Variants in CUBN observed in about 807,000 individuals in gnomAD.
CUBN encodes 460 kDa receptor.
A neutral mutation model predicts 405.3 loss-of-function variants in CUBN; 282 were observed. The observed-to-expected ratio is 0.70, with a 90% CI of 0.63 to 0.77. The LOEUF (loss-of-function observed/expected upper bound fraction) is 0.77. Among genes scored for constraint, CUBN ranks in the 30% least tolerant of loss-of-function variants. The probability of loss-of-function intolerance (pLI) is 0.00; values close to 1 mark genes in which losing one functional copy is unlikely to be tolerated. For missense variants in CUBN, 4,514 were observed against 4,475.2 expected, an observed-to-expected ratio of 1.01 and a Z score of -0.25; for synonymous variants, 1,684 against 1,617.0, an observed-to-expected ratio of 1.04 and a Z score of -0.99.
chr10:17,082,658 AT>A (rs1455273878), intron 17 of CUBN, among the ~76,000 whole-genome samples: 2 of 152,210 alleles, frequency 1.3e-5, no homozygotes, highest in Admixed American at 1.3e-4. Flanking sequence ...AGAGCCAGGT[AT>A]GGAATTGGGT....
chr10:16,840,200 G>A (rs1229117251), intron 62 of CUBN, 130 bp downstream of exon 62: 1 of 767,296 alleles, frequency 1.3e-6, no homozygotes, highest in East Asian at 2.7e-5. Context: ...TTGTGCGCAT[G>A]TACCCTAAAA....
intron 34 of CUBN, 133 bp downstream of exon 34, chr10:16,949,868 T>A: frequency 1.4e-6 from 1 of 722,088 alleles, no homozygotes; most frequent in South Asian, 1.5e-5. Context: ...CCTCTAATCA[T>A]CTTTATTTGG....
chr10:16,977,759 G>A (rs1833142214), intron 31 of CUBN, among the ~76,000 whole-genome samples: 1 of 152,190 alleles, frequency 6.6e-6, no homozygotes, highest in Non-Finnish European at 1.5e-5. Context: ...ACCCCTAGAT[G>A]CTACCATGGG....
intron 28 of CUBN, among the ~76,000 whole-genome samples, chr10:17,013,249 C>T (rs1834232009): frequency 6.6e-6 from 1 of 151,832 alleles, no homozygotes; most frequent in Non-Finnish European, 1.5e-5. Flanking sequence ...CTCTCTCTGA[C>T]TTTCTCTCTG....
At chr10:16,972,736 T>C (rs1213387141) in intron 31 of CUBN, among the ~76,000 whole-genome samples, 1 of 152,046 alleles carries the variant, frequency 6.6e-6, no homozygotes, top group Non-Finnish European at 1.5e-5. Flanking sequence ...ATTCATTCAT[T>C]CTTCAAGCAA....
intron 58 of CUBN, among the ~76,000 whole-genome samples, chr10:16,870,880 A>G (rs1444689916): frequency 6.6e-6 from 1 of 152,218 alleles, no homozygotes; most frequent in African/African-American, 2.4e-5. Flanking sequence ...GTCATTTCAA[A>G]TAACGATTTC....
Position 17,031,357 on chromosome 10 carries a change from T to C in CUBN, c.4017+9676A>G, listed in dbSNP as rs371047101. Reference sequence around the variant, plus strand: ...AGTGAACATTTATAGATTTGTTCTCTATTTGCCAGACCTTGTTTTGGCTCT... The same window carrying C: ...AGTGAACATTTATAGATTTGTTCTCCATTTGCCAGACCTTGTTTTGGCTCT... On this transcript the variant is annotated intron_variant, in intron 27 of 66. Coordinates refer to ENST00000377833, the MANE Select transcript of CUBN (RefSeq NM_001081.4). Among the ~76,000 whole-genome samples the C allele has an allele frequency of 5.9e-4, 90 of 152,386 alleles. No homozygotes were observed. The South Asian group carries it at 7.0e-3, about 12-fold the overall frequency.
At chr10:16,849,734 T>C (rs1203440427) in intron 60 of CUBN, among the ~76,000 whole-genome samples, 3 of 152,160 alleles carry the variant, frequency 2.0e-5, no homozygotes, top group Admixed American at 2.0e-4. Context: ...CTGATCCAGG[T>C]CTAAGACTGA....
chr10:17,013,345 T>A (rs1486393023), intron 28 of CUBN, among the ~76,000 whole-genome samples: 1 of 151,998 alleles, frequency 6.6e-6, no homozygotes, highest in Non-Finnish European at 1.5e-5. Context: ...ACTCTCTGAC[T>A]TTCTATCTCT....
chr10:16,869,056 C>G (rs993694018), intron 59 of CUBN, among the ~76,000 whole-genome samples: 10 of 152,034 alleles, frequency 6.6e-5, no homozygotes, highest in Admixed American at 4.6e-4. Context: ...TCTTTCCCCT[C>G]TGGGTCCGTT....
chr10:16,961,959 G>A lies in CUBN; in HGVS notation c.4696-7411C>T, dbSNP rs185028582. Among the ~76,000 whole-genome samples, 229 of 151,830 alleles carry A rather than the reference G, an allele frequency of 1.5e-3. 2 individuals carry two copies. Among genetic ancestry groups the A allele is most frequent in the Middle Eastern group, 6.8e-3 (2 of 294 alleles). On this transcript the variant is annotated intron_variant, in intron 31 of 66. Coordinates refer to ENST00000377833, the MANE Select transcript of CUBN (RefSeq NM_001081.4). ...CATCTCCTGACCTCGTGATCCGCCC[G>A]CCTCAGCCTCCCAAAGTGCTGGGAT... is the stretch of plus-strand genomic sequence containing the variant.
chr10:16,838,626 T>G (rs995131920), intron 62 of CUBN, among the ~76,000 whole-genome samples: 4 of 152,222 alleles, frequency 2.6e-5, no homozygotes, highest in Non-Finnish European at 5.9e-5. Flanking sequence ...CTCAGCCTTT[T>G]TTAAAGCTCA....
chr10:16,903,857 C>A, intron 51 of CUBN, 109 bp downstream of exon 51: 1 of 710,460 alleles, frequency 1.4e-6, no homozygotes, highest in South Asian at 3.0e-5. Flanking sequence ...ATTAACAAAA[C>A]TAATAGCTAT....
intron 31 of CUBN, among the ~76,000 whole-genome samples, chr10:16,970,761 A>G (rs932414314): frequency 3.3e-5 from 5 of 152,054 alleles, no homozygotes; most frequent in African/African-American, 1.2e-4. Context: ...GTTAATTTCT[A>G]CTTAGCCTTG....
chr10:17,046,018 T>C lies in CUBN; in HGVS notation c.3406A>G (p.Ser1136Gly), dbSNP rs1277854633. The change falls in exon 24 of 67, where the codon AGT (serine) becomes GGT (glycine). Residue 1136 changes from serine (S) to glycine (G), a missense_variant. Physicochemically the swap from Ser to Gly is moderately conservative, Grantham distance 56. This residue lies in a region of CUBN where 1,448 missense variants were observed against 1,388.0 expected (regional missense o/e 1.04). Coordinates refer to ENST00000377833, the MANE Select transcript of CUBN (RefSeq NM_001081.4). ...TTAAATTTTAACCATAGTTTGTTAC[T>C]ATGAGAGATGATTGTTGGGGGTAGA... is the stretch of plus-strand genomic sequence containing the variant. ...SNLPPTIISH[S>G]NKLWLKFKSD... The C allele has an allele frequency of 6.2e-7, 1 of 1,613,868 alleles. No homozygotes were observed. Among genetic ancestry groups the C allele is most frequent in the Admixed American group, 1.7e-5 (1 of 60,018 alleles).
At chr10:16,825,110 T>G (rs1372971948) in intron 66 of CUBN, 28 bp from the exon 67 acceptor site, 1 of 1,498,282 alleles carries the variant, frequency 6.7e-7, no homozygotes, top group Non-Finnish European at 9.3e-7. Context: ...AGTATCCAAT[T>G]ATATATTTCA....
At chr10:16,868,350 T>C (rs1236105509) in intron 59 of CUBN, among the ~76,000 whole-genome samples, 2 of 152,232 alleles carry the variant, frequency 1.3e-5, no homozygotes, top group Non-Finnish European at 2.9e-5. Flanking sequence ...AACTCCGTTT[T>C]GCATCAGAGA....
intron 17 of CUBN, among the ~76,000 whole-genome samples, chr10:17,079,974 A>G (rs1357737164): frequency 6.6e-6 from 1 of 152,160 alleles, no homozygotes; most frequent in Admixed American, 6.5e-5. Flanking sequence ...GGAAGGATGC[A>G]GGGGAAGGTG....
At chr10:16,962,713 T>C (rs904132615) in intron 31 of CUBN, among the ~76,000 whole-genome samples, 1 of 152,140 alleles carries the variant, frequency 6.6e-6, no homozygotes, top group Non-Finnish European at 1.5e-5. Context: ...AGGTGCCGTG[T>C]TCTGAGATAC....
Sources: gnomAD v4.1 joint callset for allele counts (sites outside exome capture counted in the v4.1 genomes callset) on GRCh38, gnomAD v4.1.1 for gene constraint, gnomAD v4.1.1 regional missense constraint, MANE v1.5 for transcripts, NCBI Gene and HGNC (gene_info 2026-07-23, HGNC 2026-07-21) for gene names.